Variants in WDR17 observed in about 807,000 individuals in gnomAD.
The protein encoded by WDR17 is WD repeat domain 17.
A neutral mutation model predicts 161.7 loss-of-function variants in WDR17; 143 were observed. The ratio of observed to expected loss-of-function variants is 0.88; its 90% CI spans 0.77 to 1.02. WDR17 has a LOEUF of 1.02. Among genes scored for constraint, WDR17 ranks in the 50% least tolerant of loss-of-function variants. WDR17 has a pLI of 0.00. For synonymous variants in WDR17, 517 were observed against 515.6 expected (o/e 1.00, Z -0.04); for missense variants, 1,469 against 1,520.9 (o/e 0.97, Z 0.57).
intron 1 of WDR17, among the ~76,000 whole-genome samples, chr4:176,088,362 A>G (rs552733953): frequency 6.6e-6 from 1 of 152,218 alleles, no homozygotes; most frequent in African/African-American, 2.4e-5. Context: ...AAGTGGGAGG[A>G]CTGCTTGAGC....
rs374200071 is a variant in WDR17 at position 176,082,330 on chromosome 4, A to G, written c.-7+16251A>G. The stretch of plus-strand genomic sequence containing the variant: ...TTAATAACCATGTATACTCGGGGTG[A>G]TGAAACATGGTAATTATATTTAAAG... On this transcript the variant is annotated intron_variant, in intron 1 of 28. Transcript: ENST00000508596. Among the ~76,000 whole-genome samples, 10 of 152,194 alleles carry G rather than the reference A, an allele frequency of 6.6e-5. No homozygotes were observed. In the East Asian group the frequency reaches 1.9e-3, roughly 29 times the overall value.
At chr4:176,129,397 G>T (rs1430345782) in intron 6 of WDR17, among the ~76,000 whole-genome samples, 1 of 151,904 alleles carries the variant, frequency 6.6e-6, no homozygotes, top group Non-Finnish European at 1.5e-5. Context: ...ATCATTCGTT[G>T]CCTCTGTAAT....
intron 1 of WDR17, among the ~76,000 whole-genome samples, chr4:176,076,254 TACAC>T (rs1302008397): frequency 1.2e-3 from 72 of 59,504 alleles, no homozygotes; most frequent in African/African-American, 2.8e-3. Context: ...TATATATATA[TACAC>T]ACACACACAC....
chr4:176,158,263 CAA>C (rs1230646107), intron 18 of WDR17, among the ~76,000 whole-genome samples: 2 of 152,218 alleles, frequency 1.3e-5, no homozygotes, highest in African/African-American at 4.8e-5. Flanking sequence ...ATAGCTGAGT[CAA>C]GAGACAGCAG....
chr4:176,113,684 CAT>C (rs1358680012), intron 2 of WDR17, among the ~76,000 whole-genome samples: 1 of 151,860 alleles, frequency 6.6e-6, no homozygotes, highest in African/African-American at 2.4e-5. Context: ...ATAAATGTAA[CAT>C]GATACAATTA....
chr4:176,109,609 G>A (rs1223108764), intron 1 of WDR17, among the ~76,000 whole-genome samples: 1 of 152,122 alleles, frequency 6.6e-6, no homozygotes, highest in Non-Finnish European at 1.5e-5. Flanking sequence ...TTTCAGAAGT[G>A]GAAATATGAA....
At chr4:176,118,823 T>C (rs995146459) in intron 3 of WDR17, among the ~76,000 whole-genome samples, 8 of 150,528 alleles carry the variant, frequency 5.3e-5, no homozygotes, top group African/African-American at 1.9e-4. Flanking sequence ...TAACCGGGCA[T>C]GGTGGCGGGC....
intron 2 of WDR17, among the ~76,000 whole-genome samples, chr4:176,114,596 CAG>C (rs929967304): frequency 8.6e-5 from 13 of 151,976 alleles, no homozygotes; most frequent in Non-Finnish European, 1.9e-4. Flanking sequence ...AAGAAACAGG[CAG>C]AGTCTTCTTG....
At chr4:176,126,087 T>C (rs541277901) in intron 5 of WDR17, among the ~76,000 whole-genome samples, 3 of 152,216 alleles carry the variant, frequency 2.0e-5, no homozygotes, top group Non-Finnish European at 4.4e-5. Flanking sequence ...CTACATGACC[T>C]AACTGCCTCT....
intron 1 of WDR17, among the ~76,000 whole-genome samples, chr4:176,096,749 A>G (rs1410210449): frequency 1.3e-5 from 2 of 152,042 alleles, no homozygotes; most frequent in Non-Finnish European, 2.9e-5. Flanking sequence ...AAAAGTAAGA[A>G]TATAATAAGG....
At chr4:176,096,446 C>T (rs561949422) in intron 1 of WDR17, 11 of 1,241,702 alleles carry the variant, frequency 8.9e-6, no homozygotes, top group Admixed American at 2.0e-5. Flanking sequence ...GGTTGAAACA[C>T]ATTGTTGTTA....
At chr4:176,168,150 C>G (rs891021218) in intron 22 of WDR17, among the ~76,000 whole-genome samples, 9 of 148,662 alleles carry the variant, frequency 6.1e-5, no homozygotes, top group Non-Finnish European at 1.2e-4. Flanking sequence ...GACTATGCCT[C>G]AAAAGAAAAA....
intron 1 of WDR17, among the ~76,000 whole-genome samples, chr4:176,090,664 A>G (rs1223999466): frequency 6.6e-6 from 1 of 152,150 alleles, no homozygotes; most frequent in Non-Finnish European, 1.5e-5. Flanking sequence ...CAGCTTGGTC[A>G]GGGAGACCCT....
At chr4:176,148,452 C>A in intron 13 of WDR17, 117 bp downstream of exon 13, 1 of 857,302 alleles carries the variant, frequency 1.2e-6, no homozygotes, top group Non-Finnish European at 1.8e-6. Context: ...TTTACAATAA[C>A]ATTTTTCACA....
chr4:176,123,267 C>T (rs929058334), intron 4 of WDR17, among the ~76,000 whole-genome samples: 67 of 152,162 alleles, frequency 4.4e-4, no homozygotes, highest in African/African-American at 1.5e-3. Flanking sequence ...TCCTACTGTA[C>T]TCTCACAGCA....
At chr4:176,135,949 A>T (rs1208127116) in intron 8 of WDR17, among the ~76,000 whole-genome samples, 3 of 151,658 alleles carry the variant, frequency 2.0e-5, no homozygotes, top group African/African-American at 7.2e-5. Context: ...GATGTAGCTC[A>T]TCCTTATTTT....
chr4:176,148,425 G>A lies in WDR17; in HGVS notation c.1897+90G>A, dbSNP rs2126808631. ...TGAGGAATACAGTATTTTTGAAGAA[G>A]TTATACAGTGTTTTATTTTACAATA... is the stretch of plus-strand genomic sequence containing the variant. On this transcript the variant is annotated intron_variant, in intron 13 of 28. Coordinates refer to ENST00000508596, the MANE Select transcript of WDR17 (RefSeq NM_181265.4). 5 of 1,100,638 alleles carry A rather than the reference G, an allele frequency of 4.5e-6. No homozygotes were observed. In the South Asian group the frequency reaches 6.3e-5, roughly 14 times the overall value. The allele number at this position is 1,100,638 out of a possible 1,614,324, so 68.2% of individuals were successfully genotyped here. A position where few individuals can be genotyped will look rare whatever the true frequency, so the allele number is the denominator to read the frequency against.
intron 11 of WDR17, 62 bp downstream of exon 11, chr4:176,142,131 A>G (rs938711955): frequency 4.4e-6 from 6 of 1,352,684 alleles, no homozygotes; most frequent in African/African-American, 1.4e-5. Context: ...AAATAACCAT[A>G]AAGTTTAGTG....
chr4:176,143,105 C>T (rs1321202627), intron 11 of WDR17, among the ~76,000 whole-genome samples: 1 of 152,146 alleles, frequency 6.6e-6, no homozygotes, highest in Non-Finnish European at 1.5e-5. Context: ...TCTCGAATTC[C>T]CGACCTCAGG....
Sources: allele counts gnomAD v4.1 joint callset (sites outside exome capture counted in the v4.1 genomes callset), GRCh38; gene constraint gnomAD v4.1.1; transcripts MANE v1.5; gene names NCBI Gene and HGNC (gene_info 2026-07-23, HGNC 2026-07-21).